Variants in NLRP9 observed in about 807,000 individuals in gnomAD.
NLRP9 encodes the protein NACHT, LRR and PYD domains-containing protein 9.
A neutral mutation model predicts 83.1 loss-of-function variants in NLRP9; 88 were observed. That is an observed-to-expected ratio of 1.06 (90% confidence interval 0.89 to 1.26). The LOEUF (loss-of-function observed/expected upper bound fraction) is 1.26, where lower values mean the gene tolerates loss of function less well. Ranked by LOEUF, NLRP9 falls within the 50% of genes most tolerant of loss-of-function variation. NLRP9 has a pLI of 0.00. For missense variants in NLRP9, 1,308 were observed against 1,179.3 expected (o/e 1.11, Z -1.60); for synonymous variants, 521 against 447.6 (o/e 1.16, Z -2.07).
In NLRP9 at chr19:55,717,119, C is replaced by T. The variant is rs529594152; in HGVS notation, c.2160-221G>A. ...TGCGATCTCGGCTCACCGCAACCTC[C>T]ACCTCCCGGGTTCAAATGATTCTCC... On this transcript the variant is annotated intron_variant, in intron 4 of 8. Coordinates refer to ENST00000332836, the MANE Select transcript of NLRP9 (RefSeq NM_176820.4). Among the ~76,000 whole-genome samples the T allele has an allele frequency of 1.2e-4, 18 of 151,600 alleles. No homozygotes were observed. The East Asian group carries it at 3.5e-3, about 29-fold the overall frequency.
chr19:55,712,469 G>C lies in NLRP9; in HGVS notation c.2623C>G (p.Gln875Glu), dbSNP rs576244359. Reference sequence around the variant, plus strand: ...GGATGCTGCAAAGCTGCACATAACTGTCTGACACCAGTGTCTCCTATTTCA... The same window carrying C: ...GGATGCTGCAAAGCTGCACATAACTCTCTGACACCAGTGTCTCCTATTTCA... ...HNEIGDTGVR[Q>E]LCAALQHPHC... Residue 875 changes from glutamine (Q) to glutamate (E), a missense_variant, in exon 7 of 9, where the codon CAG (glutamine) becomes GAG (glutamate). Gln to Glu is a conservative substitution (Grantham distance 29). Coordinates refer to ENST00000332836, the MANE Select transcript of NLRP9 (RefSeq NM_176820.4). The C allele has an allele frequency of 3.1e-6, 5 of 1,612,704 alleles. No individual in the cohort carries two copies. Among genetic ancestry groups the C allele is most frequent in the South Asian group, 2.2e-5 (2 of 91,068 alleles).
intron 4 of NLRP9, among the ~76,000 whole-genome samples, chr19:55,717,528 A>G (rs1251767483): frequency 6.6e-6 from 1 of 152,200 alleles, no homozygotes; most frequent in Admixed American, 6.5e-5. Flanking sequence ...AATGCTGCTC[A>G]ACGTCCTTTA....
intron 7 of NLRP9, 77 bp from the exon 8 acceptor site, chr19:55,712,047 T>C: frequency 1.4e-6 from 2 of 1,412,914 alleles, no homozygotes; most frequent in East Asian, 4.6e-5. Context: ...TACTTGCTAA[T>C]TACACACCTC....
rs57736610 is a variant in NLRP9, at chr19:55,737,734, T to TAAAAAAAAA, written c.280+352_280+360dup. The TAAAAAAAAA allele has an allele frequency of 7.5e-3, 602 of 80,274 alleles. 13 individuals carry two copies. Among genetic ancestry groups the TAAAAAAAAA allele is most frequent in the Non-Finnish European group, 9.4e-3 (397 of 42,148 alleles). The allele number at this position is 80,274 out of a possible 1,614,324, so 5.0% of individuals were successfully genotyped here. A position where few individuals can be genotyped will look rare whatever the true frequency, so the allele number is the denominator to read the frequency against. On this transcript the variant is annotated intron_variant, in intron 1 of 8. Coordinates refer to ENST00000332836, the MANE Select transcript of NLRP9 (RefSeq NM_176820.4). ...GAGCAACATGGCAAGACCCTTTCTC[T>TAAAAAAAAA]AAAAAAAAAAAAAAAAAAAAAAAAA...
At chr19:55,711,652 T>TA in intron 8 of NLRP9, 148 bp downstream of exon 8, 1 of 893,464 alleles carries the variant, frequency 1.1e-6, no homozygotes, top group Non-Finnish European at 1.8e-6. Flanking sequence ...GGTTTTTATA[T>TA]TTTATAGTGT....
At chr19:55,723,285 C>T (rs1400407589) in intron 4 of NLRP9, among the ~76,000 whole-genome samples, 1 of 152,178 alleles carries the variant, frequency 6.6e-6, no homozygotes, top group Non-Finnish European at 1.5e-5. Flanking sequence ...ATGCTGTCAA[C>T]TGCCAAATCA....
chr19:55,714,462 G>A (rs922533892), intron 6 of NLRP9, among the ~76,000 whole-genome samples: 10 of 152,114 alleles, frequency 6.6e-5, no homozygotes, highest in South Asian at 2.1e-4. Context: ...AGGGCCACTC[G>A]GGACTCCATC....
chr19:55,714,356 G>A (rs1987924802), intron 6 of NLRP9, among the ~76,000 whole-genome samples: 1 of 152,002 alleles, frequency 6.6e-6, no homozygotes, highest in South Asian at 2.1e-4. Flanking sequence ...CTTCATGTGT[G>A]TGATTCCAAC....
chr19:55,712,195 A>G (rs984642211), intron 7 of NLRP9, among the ~76,000 whole-genome samples: 3 of 152,140 alleles, frequency 2.0e-5, no homozygotes, highest in African/African-American at 4.8e-5. Flanking sequence ...GGGCGCTGCT[A>G]AAGACCCTAT....
chr19:55,732,529 G>A lies in NLRP9; in HGVS notation c.1302C>T (p.Leu434=). The A allele has an allele frequency of 6.2e-7, 1 of 1,614,178 alleles. No individual in the cohort carries two copies. Among genetic ancestry groups the A allele is most frequent in the South Asian group, 1.1e-5 (1 of 91,078 alleles). Residue 434 remains leucine (L), a synonymous_variant, in exon 2 of 9, where the codon CTC becomes CTT. Transcript: ENST00000332836. ...AGGCAAAACAGTCCCCTCTCCTTTG[G>A]AGGAGTCTCATACCCACCCACATCA... is the stretch of plus-strand genomic sequence containing the variant. The part of the protein sequence containing the change: ...EGVMWVGMRL[L]QRRGDCFAFM...
intron 4 of NLRP9, among the ~76,000 whole-genome samples, chr19:55,718,242 C>T (rs1194530451): frequency 2.0e-5 from 3 of 152,190 alleles, no homozygotes; most frequent in African/African-American, 4.8e-5. Flanking sequence ...AAGGTTTCCC[C>T]CACTGAGACA....
rs1318510301 is a variant in NLRP9 at position 55,727,810 on chromosome 19, C to G, written c.1994+2021G>C. 2.6e-5 allele frequency among the ~76,000 whole-genome samples: 4 copies of G among 152,250 alleles called. No homozygotes were observed. In the East Asian group the frequency reaches 7.7e-4, roughly 29 times the overall value. On this transcript the variant is annotated intron_variant, in intron 3 of 8. Transcript: ENST00000332836. The stretch of plus-strand genomic sequence containing the variant: ...CCATCCATCATGGAGGTTTAGTCAA[C>G]AGAGAAACACTGTGCTCCCCAAGAT...
chr19:55,715,254 T>C (rs760884985), intron 5 of NLRP9, 29 bp from the exon 6 acceptor site: 72 of 1,598,026 alleles, frequency 4.5e-5, no homozygotes, highest in Non-Finnish European at 6.0e-5. Context: ...TCTCCCAGCC[T>C]GCTGAACAGC....
At chr19:55,725,886 C>T (rs1032626256) in intron 3 of NLRP9, among the ~76,000 whole-genome samples, 2 of 151,842 alleles carry the variant, frequency 1.3e-5, no homozygotes, top group East Asian at 1.9e-4. Context: ...ATTAGCTGGG[C>T]GTGGTGGCGG....
chr19:55,722,711 G>A (rs953667704), intron 4 of NLRP9, among the ~76,000 whole-genome samples: 3 of 152,004 alleles, frequency 2.0e-5, no homozygotes, highest in Non-Finnish European at 4.4e-5. Context: ...TGTTTACTGC[G>A]GCACTGTTCA....
At position 55,708,906 on chromosome 19, in the gene NLRP9, T is replaced by TCC. The variant is rs1257455097; in HGVS notation, c.*4_*5dup. 4.6e-6 allele frequency: 7 copies of TCC among 1,533,048 alleles called. No homozygotes were observed. Among genetic ancestry groups the TCC allele is most frequent in the Non-Finnish European group, 5.2e-6 (6 of 1,148,474 alleles). The allele number at this position is 1,533,048 out of a possible 1,614,324, so 95.0% of individuals were successfully genotyped here. ...TTGTGAGACGACTACTTCAGGGTGT[T>TCC]CCCCATCAGAGGAGCACACCCCTGA... is the stretch of plus-strand genomic sequence containing the variant. On this transcript the variant is annotated 3_prime_UTR_variant, in exon 9 of 9. Transcript: ENST00000332836.
chr19:55,717,689 C>T (rs916598542), intron 4 of NLRP9, among the ~76,000 whole-genome samples: 1 of 152,188 alleles, frequency 6.6e-6, no homozygotes, highest in Non-Finnish European at 1.5e-5. Context: ...TGGCCGGAGA[C>T]GGGAGGGCAG....
chr19:55,734,183 A>G (rs371716333), intron 1 of NLRP9, among the ~76,000 whole-genome samples: 9 of 151,738 alleles, frequency 5.9e-5, no homozygotes, highest in Admixed American at 3.3e-4. Flanking sequence ...TTGGCCTCCC[A>G]AAGTGCTGGG....
At position 55,709,009 on chromosome 19, in the gene NLRP9, TTC is replaced by T. The variant is rs1258570145; in HGVS notation, c.2877_2878del (p.Lys960AspfsTer21). On this transcript the variant is annotated frameshift_variant, in exon 9 of 9. Coordinates refer to ENST00000332836, the MANE Select transcript of NLRP9 (RefSeq NM_176820.4). LOFTEE classifies it low-confidence loss of function (END_TRUNC). Reference sequence around the variant, plus strand: ...TTTTTCTTCCACAGACATCAGGATCTTCTGAGTTTCTTCATCAAAGCCAGATT... The same window carrying T: ...TTTTTCTTCCACAGACATCAGGATCTTGAGTTTCTTCATCAAAGCCAGATT... The T allele has an allele frequency of 6.3e-7, 1 of 1,584,244 alleles. No individual in the cohort carries two copies. The highest frequency in any genetic ancestry group is 1.4e-5 in the African/African-American group (1 of 72,954).
Sources: gnomAD v4.1 joint callset for allele counts (sites outside exome capture counted in the v4.1 genomes callset) on GRCh38, gnomAD v4.1.1 for gene constraint, MANE v1.5 for transcripts, NCBI Gene and HGNC (gene_info 2026-07-23, HGNC 2026-07-21) for gene names.